MCPH1: variants seen among roughly 807,000 people sequenced by gnomAD.
The protein encoded by MCPH1 is microcephalin 1.
A neutral mutation model predicts 84.5 loss-of-function variants in MCPH1; 104 were observed. That is an observed-to-expected ratio of 1.23 (90% confidence interval 1.05 to 1.45). The LOEUF (loss-of-function observed/expected upper bound fraction) is 1.45, where lower values mean the gene tolerates loss of function less well. Ranked by LOEUF, MCPH1 falls within the 40% of genes most tolerant of loss-of-function variation. MCPH1 has a pLI of 0.00. For missense variants in MCPH1, 1,498 were observed against 1,005.7 expected, an observed-to-expected ratio of 1.49 and a Z score of -6.62; for synonymous variants, 514 against 366.8, an observed-to-expected ratio of 1.40 and a Z score of -4.58.
chr8:6,483,784 G>A (rs188304740), intron 11 of MCPH1, among the ~76,000 whole-genome samples: 24 of 152,132 alleles, frequency 1.6e-4, no homozygotes, highest in Non-Finnish European at 2.5e-4. Flanking sequence ...CACTTAAACC[G>A]GTGAGATGGA....
intron 11 of MCPH1, among the ~76,000 whole-genome samples, chr8:6,499,462 C>A (rs1010245928): frequency 6.6e-6 from 1 of 152,238 alleles, no homozygotes; most frequent in East Asian, 1.9e-4. Flanking sequence ...GATCCATCTT[C>A]TTTTAATTCA....
intron 8 of MCPH1, among the ~76,000 whole-genome samples, chr8:6,447,744 G>T (rs550550350): frequency 3.9e-5 from 6 of 152,096 alleles, no homozygotes; most frequent in African/African-American, 1.2e-4. Context: ...TAGAGATGGG[G>T]TTTCACGTCT....
At chr8:6,585,836 T>G (rs1827933897) in intron 12 of MCPH1, among the ~76,000 whole-genome samples, 1 of 152,226 alleles carries the variant, frequency 6.6e-6, no homozygotes, top group African/African-American at 2.4e-5. Flanking sequence ...GCAGCTTGGT[T>G]TCTATTGCAC....
chr8:6,465,352 G>A (rs1487187068), intron 9 of MCPH1, among the ~76,000 whole-genome samples: 1 of 152,194 alleles, frequency 6.6e-6, no homozygotes, highest in Non-Finnish European at 1.5e-5. Context: ...ACTTCCCGCG[G>A]AGCTGTTCAC....
At chr8:6,509,915 G>A (rs868644884) in intron 12 of MCPH1, among the ~76,000 whole-genome samples, 3 of 152,146 alleles carry the variant, frequency 2.0e-5, no homozygotes, top group East Asian at 3.9e-4. Context: ...GCTCGCTGCC[G>A]CTGCCTGGCA....
At chr8:6,438,721 C>G (rs573470000) in intron 5 of MCPH1, among the ~76,000 whole-genome samples, 1 of 152,166 alleles carries the variant, frequency 6.6e-6, no homozygotes, top group Non-Finnish European at 1.5e-5. Context: ...ATATATTGTT[C>G]TTAGCACAGT....
intron 9 of MCPH1, among the ~76,000 whole-genome samples, chr8:6,475,493 C>A (rs568750767): frequency 3.3e-5 from 5 of 152,202 alleles, no homozygotes; most frequent in Non-Finnish European, 5.9e-5. Context: ...CCGGGGAAAA[C>A]CCAGGTAGCC....
At chr8:6,426,403 A>T (rs1185277213) in intron 3 of MCPH1, among the ~76,000 whole-genome samples, 2 of 152,164 alleles carry the variant, frequency 1.3e-5, no homozygotes, top group African/African-American at 2.4e-5. Flanking sequence ...ATTAAAGATT[A>T]GTGTCACCAA....
chr8:6,428,737 G>A (rs1801418976), intron 3 of MCPH1, among the ~76,000 whole-genome samples: 1 of 146,010 alleles, frequency 6.8e-6, no homozygotes, highest in Non-Finnish European at 1.5e-5. Context: ...GTATGGACAC[G>A]TGCGCACGCA....
At chr8:6,524,108 T>C (rs574455845) in intron 12 of MCPH1, among the ~76,000 whole-genome samples, 1 of 152,332 alleles carries the variant, frequency 6.6e-6, no homozygotes, top group East Asian at 1.9e-4. Context: ...CAGATTCCTC[T>C]CTCTGACATT....
chr8:6,564,263 C>T (rs1232865447), intron 12 of MCPH1, among the ~76,000 whole-genome samples: 1 of 152,210 alleles, frequency 6.6e-6, no homozygotes, highest in Non-Finnish European at 1.5e-5. Flanking sequence ...AGGTGTGAGT[C>T]ACCATGCCTG....
chr8:6,591,591 G>A (rs1050579334), intron 12 of MCPH1, among the ~76,000 whole-genome samples: 1 of 152,192 alleles, frequency 6.6e-6, no homozygotes, highest in African/African-American at 2.4e-5. Context: ...TATCTTTGCG[G>A]TTTCTTTCTG....
At chr8:6,623,253 G>A (rs1001137874) in intron 13 of MCPH1, among the ~76,000 whole-genome samples, 1 of 151,952 alleles carries the variant, frequency 6.6e-6, no homozygotes, top group South Asian at 2.1e-4. Context: ...CGAATTTTGG[G>A]CAGACACAAT....
At chr8:6,433,799 G>A (rs1802216732) in intron 4 of MCPH1, among the ~76,000 whole-genome samples, 2 of 151,668 alleles carry the variant, frequency 1.3e-5, no homozygotes, top group Non-Finnish European at 2.9e-5. Flanking sequence ...TTTTCCAAAT[G>A]TAATTGCAAA....
intron 7 of MCPH1, among the ~76,000 whole-genome samples, chr8:6,443,986 A>G (rs1033922502): frequency 8.5e-5 from 13 of 152,352 alleles, no homozygotes; most frequent in African/African-American, 2.4e-4. Context: ...AGCTGTGTTC[A>G]TTGAGGGAAT....
intron 11 of MCPH1, among the ~76,000 whole-genome samples, chr8:6,483,220 G>T (rs1460827888): frequency 6.6e-6 from 1 of 152,206 alleles, no homozygotes; most frequent in Admixed American, 6.5e-5. Context: ...TGGATTAGAA[G>T]ACATAGTACA....
At chr8:6,470,818 G>C (rs555194944) in intron 9 of MCPH1, among the ~76,000 whole-genome samples, 23 of 152,366 alleles carry the variant, frequency 1.5e-4, no homozygotes, top group African/African-American at 5.3e-4. Flanking sequence ...AATGTAAAGA[G>C]GGTTGTTAAA....
chr8:6,631,017 T>G (rs905361082), intron 13 of MCPH1, among the ~76,000 whole-genome samples: 5 of 151,960 alleles, frequency 3.3e-5, no homozygotes, highest in African/African-American at 1.2e-4. Context: ...ATGTTGCAGG[T>G]GCTCTAAAAG....
rs1485742734 is a variant in MCPH1, at chr8:6,592,451, A to T, written c.2215-29003A>T. ...GTTTCCATTTTTTGTGTTTTTCATA[A>T]ATTAAATCTTGTAACTATTATATAT... On this transcript the variant is annotated intron_variant, in intron 12 of 13. Coordinates refer to ENST00000344683, the MANE Select transcript of MCPH1 (RefSeq NM_024596.5). Among the ~76,000 whole-genome samples, 4 of 151,602 alleles carry T rather than the reference A, an allele frequency of 2.6e-5. No individual in the cohort carries two copies. The East Asian group carries it at 7.7e-4, about 29-fold the overall frequency.
Sources: gnomAD v4.1 joint callset for allele counts (sites outside exome capture counted in the v4.1 genomes callset) on GRCh38, gnomAD v4.1.1 for gene constraint, MANE v1.5 for transcripts, NCBI Gene and HGNC (gene_info 2026-07-23, HGNC 2026-07-21) for gene names.